NPAT: variants seen among roughly 807,000 people sequenced by gnomAD.
NPAT encodes the protein protein NPAT.
NPAT carries 52 observed loss-of-function variants against 130.7 expected under a neutral mutation model. The observed-to-expected ratio is 0.40, with a 90% CI of 0.32 to 0.50. NPAT has a LOEUF of 0.50. NPAT is among the 20% of genes least tolerant of loss of function. The probability of loss-of-function intolerance (pLI) is 0.68; values close to 1 mark genes in which losing one functional copy is unlikely to be tolerated. For missense variants in NPAT, 1,687 were observed against 1,662.6 expected (o/e 1.01, Z -0.26); for synonymous variants, 580 against 584.8 (o/e 0.99, Z 0.12).
intron 3 of NPAT, among the ~76,000 whole-genome samples, chr11:108,192,765 C>T (rs903378640): frequency 3.9e-5 from 6 of 151,990 alleles, no homozygotes; most frequent in African/African-American, 1.5e-4. Context: ...ACCAACCTGG[C>T]CAACATAGTG....
intron 12 of NPAT, among the ~76,000 whole-genome samples, chr11:108,174,742 G>A (rs1018826103): frequency 4.0e-5 from 6 of 151,550 alleles, no homozygotes; most frequent in Non-Finnish European, 8.8e-5. Context: ...AGCCTCTTGA[G>A]TATCTGGGAT....
chr11:108,172,194 G>A lies in NPAT; in HGVS notation c.2785+5C>T. The A allele has an allele frequency of 6.2e-7, 1 of 1,613,142 alleles. No homozygotes were observed. The highest frequency in any genetic ancestry group is 8.5e-7 in the Non-Finnish European group (1 of 1,179,124). ...AACAAATTTCAATTATGTTATTAAAGTTACCTTGTGAAAAGTTTGGTGACA... is the reference window on the plus strand; with the variant it reads ...AACAAATTTCAATTATGTTATTAAAATTACCTTGTGAAAAGTTTGGTGACA... On this transcript the variant is annotated splice_donor_5th_base_variant and intron_variant, in intron 13 of 17. Coordinates refer to ENST00000278612, the MANE Select transcript of NPAT (RefSeq NM_002519.3).
rs376955336 is a variant in NPAT at position 108,188,506 on chromosome 11, T to C, written c.557-327A>G. On this transcript the variant is annotated intron_variant, in intron 6 of 17. Transcript: ENST00000278612. Reference sequence around the variant, plus strand: ...AAGGTGAAAATGAGGGAGATCTTGATGGCAACAAATTTTAGCTGCACAGAA... The same window carrying C: ...AAGGTGAAAATGAGGGAGATCTTGACGGCAACAAATTTTAGCTGCACAGAA... Among the ~76,000 whole-genome samples the C allele has an allele frequency of 3.3e-5, 5 of 152,312 alleles. No homozygotes were observed. In the East Asian group the frequency reaches 7.7e-4, roughly 23 times the overall value.
chr11:108,200,159 C>T (rs763796215), intron 1 of NPAT, among the ~76,000 whole-genome samples: 5 of 152,122 alleles, frequency 3.3e-5, no homozygotes, highest in East Asian at 1.9e-4. Context: ...AAGTTGTTTC[C>T]GCCCCCGCAA....
chr11:108,166,368 A>T (rs2077902913), intron 15 of NPAT, among the ~76,000 whole-genome samples: 1 of 152,124 alleles, frequency 6.6e-6, no homozygotes, highest in South Asian at 2.1e-4. Flanking sequence ...TTCCAGTCTG[A>T]GTGACAGAGC....
intron 1 of NPAT, chr11:108,208,371 G>A (rs1013896382): frequency 7.2e-6 from 3 of 418,070 alleles, no homozygotes; most frequent in Admixed American, 2.7e-5. Context: ...TGGTAGAATC[G>A]CTTGAGCCTA....
chr11:108,214,698 T>C (rs1344191311), intron 1 of NPAT, among the ~76,000 whole-genome samples: 1 of 150,788 alleles, frequency 6.6e-6, no homozygotes, highest in Non-Finnish European at 1.5e-5. Flanking sequence ...AATGATGCAA[T>C]CTCGGCTCAC....
At chr11:108,160,784 G>T (rs868785773) in intron 17 of NPAT, 96 bp downstream of exon 17, 5 of 1,076,208 alleles carry the variant, frequency 4.6e-6, no homozygotes, top group Non-Finnish European at 6.9e-6. Context: ...TAGCCATAAC[G>T]TTCAGTCAAG....
chr11:108,203,204 C>T lies in NPAT; in HGVS notation c.38-5784G>A, dbSNP rs184936340. 7.1e-4 allele frequency among the ~76,000 whole-genome samples: 108 copies of T among 152,248 alleles called. 1 individual carries two copies. The highest frequency in any genetic ancestry group is 2.5e-3 in the African/African-American group (102 of 41,548). On this transcript the variant is annotated intron_variant, in intron 1 of 17. Transcript: ENST00000278612. Reference sequence around the variant, plus strand: ...TGATGTACAGACGACCTTTTCTCACCAATGATTTCTTGCTAGACCAAGAAA... The same window carrying T: ...TGATGTACAGACGACCTTTTCTCACTAATGATTTCTTGCTAGACCAAGAAA...
At chr11:108,208,351 G>A in intron 1 of NPAT, 7 of 378,110 alleles carry the variant, frequency 1.9e-5, no homozygotes, top group South Asian at 1.3e-4. Context: ...TCACTTTGGG[G>A]AGGCTGAGGT....
chr11:108,207,544 G>A (rs1374846701), intron 1 of NPAT, among the ~76,000 whole-genome samples: 4 of 152,268 alleles, frequency 2.6e-5, no homozygotes, highest in Admixed American at 6.5e-5. Flanking sequence ...AAAGTCCAGA[G>A]GGGGACCGAG....
chr11:108,167,654 A>G (rs1310477178), intron 15 of NPAT, among the ~76,000 whole-genome samples: 1 of 152,248 alleles, frequency 6.6e-6, no homozygotes, highest in Non-Finnish European at 1.5e-5. Flanking sequence ...ACACTGGCTT[A>G]TTACATACAG....
intron 8 of NPAT, 86 bp from the exon 9 acceptor site, chr11:108,185,580 A>G (rs1292312678): frequency 1.1e-6 from 1 of 911,784 alleles, no homozygotes; most frequent in Non-Finnish European, 1.7e-6. Flanking sequence ...AACCGATAAG[A>G]GCTGGATAGT....
intron 8 of NPAT, 76 bp downstream of exon 8, chr11:108,186,406 A>G: frequency 9.7e-7 from 1 of 1,032,084 alleles, no homozygotes; most frequent in East Asian, 2.4e-5. Context: ...ATACACACAT[A>G]CATACATTTG....
chr11:108,173,171 T>C lies in NPAT; in HGVS notation c.1813A>G (p.Ile605Val), dbSNP rs1591390910. The C allele has an allele frequency of 6.2e-7, 1 of 1,613,782 alleles. No individual in the cohort carries two copies. Among genetic ancestry groups the C allele is most frequent in the East Asian group, 2.2e-5 (1 of 44,872 alleles). Residue 605 changes from isoleucine (I) to valine (V), a missense_variant, in exon 13 of 18, where the codon ATA becomes GTA. By Grantham distance (29) the Ile-to-Val change is conservative. Around this residue, in one of 3 missense-constraint regions of NPAT, gnomAD observed 1,379 missense variants for 1,346.6 expected, o/e 1.02. Coordinates refer to ENST00000278612, the MANE Select transcript of NPAT (RefSeq NM_002519.3). ...GAACTTTCAACAGACACAGGTAGTA[T>C]TTCACTTTGAAGACAAGAATTATCT... is the stretch of plus-strand genomic sequence containing the variant. ...CQDNSCLQSE[I>V]LPVSVESSHL...
intron 1 of NPAT, among the ~76,000 whole-genome samples, chr11:108,209,408 G>A (rs924421354): frequency 2.6e-5 from 4 of 152,028 alleles, no homozygotes; most frequent in African/African-American, 9.7e-5. Context: ...GAATTCAAGA[G>A]CCTGTGTCTA....
chr11:108,189,609 G>A lies in NPAT; in HGVS notation c.332-279C>T, dbSNP rs568481881. On this transcript the variant is annotated intron_variant, in intron 5 of 17. Coordinates refer to ENST00000278612, the MANE Select transcript of NPAT (RefSeq NM_002519.3). ...AACTTGGCCGGGCGCGGTGGCTCAC[G>A]CCTGTAATCCCAGCACTTTGGGAGG... Among the ~76,000 whole-genome samples, 4 of 152,204 alleles carry A rather than the reference G, an allele frequency of 2.6e-5. No homozygotes were observed. The East Asian group carries it at 7.7e-4, about 29-fold the overall frequency.
At chr11:108,199,212 T>C (rs2078251738) in intron 1 of NPAT, among the ~76,000 whole-genome samples, 1 of 152,178 alleles carries the variant, frequency 6.6e-6, no homozygotes, top group South Asian at 2.1e-4. Context: ...CTGTGGTTGC[T>C]GGTATCTCCA....
rs1565319491 is a variant in NPAT at position 108,190,385 on chromosome 11, AC to A, written c.331+74del. The A allele has an allele frequency of 4.8e-5, 53 of 1,113,244 alleles. No individual in the cohort carries two copies. The East Asian group carries it at 1.2e-3, about 26-fold the overall frequency. The allele number at this position is 1,113,244 out of a possible 1,614,324, so 69.0% of individuals were successfully genotyped here. On this transcript the variant is annotated intron_variant, in intron 5 of 17. Transcript: ENST00000278612. ...GAAAATATATACTTAGCACATGTGT[AC>A]AATGAATTAAAATGTTCATCTGATA...
Sources: allele counts gnomAD v4.1 joint callset (sites outside exome capture counted in the v4.1 genomes callset), GRCh38; gene constraint gnomAD v4.1.1; regional missense constraint gnomAD v4.1.1; transcripts MANE v1.5; gene names NCBI Gene and HGNC (gene_info 2026-07-23, HGNC 2026-07-21).